The following C1QTNF2 variants were observed in gnomAD, a reference collection of about 807,000 sequenced individuals.
The protein encoded by C1QTNF2 is complement C1q tumor necrosis factor-related protein 2.
A neutral mutation model predicts 17.4 loss-of-function variants in C1QTNF2; 15 were observed. That is an observed-to-expected ratio of 0.86 (90% CI 0.58 to 1.33). The LOEUF is 1.33. Among genes scored for constraint, C1QTNF2 ranks in the 40% most tolerant of loss-of-function variants. The pLI, the probability that C1QTNF2 is intolerant of heterozygous loss-of-function variation, is 0.00. For missense variants in C1QTNF2, 381 were observed against 392.3 expected, an observed-to-expected ratio of 0.97 and a Z score of 0.24; for synonymous variants, 154 against 163.3, an observed-to-expected ratio of 0.94 and a Z score of 0.44.
intron 1 of C1QTNF2, among the ~76,000 whole-genome samples, chr5:160,356,346 G>A (rs923882350): frequency 6.6e-6 from 1 of 152,258 alleles, no homozygotes; most frequent in Non-Finnish European, 1.5e-5. Flanking sequence ...GGCTGGGCTA[G>A]AGCAGTGGTT....
intron 2 of C1QTNF2, among the ~76,000 whole-genome samples, chr5:160,353,788 CTTTTTTTTTTTTTTT>C (rs200777932): frequency 3.5e-4 from 30 of 85,976 alleles, no homozygotes; most frequent in Non-Finnish European, 5.3e-4. Flanking sequence ...ACTTCTCAGG[CTTTTTTTTTTTTTTT>C]TTTTTTTTTT....
chr5:160,356,050 G>C lies in C1QTNF2; in HGVS notation c.-9-1030C>G, dbSNP rs553846945. On this transcript the variant is annotated intron_variant, in intron 1 of 2. Transcript: ENST00000652664. ...GCAGCAATAGCACGATCCCACTGGA[G>C]ATCAGTGTGCTATGCACCTGGAGGT... Among the ~76,000 whole-genome samples the C allele has an allele frequency of 3.3e-5, 5 of 152,246 alleles. No homozygotes were observed. In the South Asian group the frequency reaches 1.0e-3, roughly 32 times the overall value.
At chr5:160,364,138 C>T (rs1000844184) in intron 1 of C1QTNF2, among the ~76,000 whole-genome samples, 1 of 152,214 alleles carries the variant, frequency 6.6e-6, no homozygotes, top group Non-Finnish European at 1.5e-5. Context: ...ATTAATGAGA[C>T]ATTTTACATT....
chr5:160,370,579 C>T lies in C1QTNF2; in HGVS notation c.-77G>A. ...AAGCTCTCGGCGGGGCTCCGCGTCC[C>T]GGCTTTCCTCAGCGGCAGCAGCCGG... On this transcript the variant is annotated 5_prime_UTR_variant, in exon 1 of 3. Coordinates refer to ENST00000652664, the MANE Select transcript of C1QTNF2 (RefSeq NM_031908.6). 7.6e-6 allele frequency: 11 copies of T among 1,452,114 alleles called. No homozygotes were observed. Among genetic ancestry groups the T allele is most frequent in the Admixed American group, 5.6e-5 (2 of 35,412 alleles). 90.0% of individuals were successfully genotyped at this position (1,452,114 alleles called of 1,614,324 possible).
intron 1 of C1QTNF2, 121 bp downstream of exon 1, chr5:160,370,391 G>T (rs1764331951): frequency 2.4e-6 from 3 of 1,271,018 alleles, no homozygotes; most frequent in Non-Finnish European, 2.0e-6. Context: ...CCGCAATAAA[G>T]GCGCGCTGGC....
chr5:160,363,734 A>G (rs6879104), intron 1 of C1QTNF2, among the ~76,000 whole-genome samples: 91,808 of 152,148 alleles, frequency 0.6, 27,924 homozygotes, highest in Middle Eastern at 0.65. Flanking sequence ...TCTGCACAAT[A>G]AGGGCAAGAG....
intron 1 of C1QTNF2, among the ~76,000 whole-genome samples, chr5:160,363,817 A>G (rs550953623): frequency 6.6e-6 from 1 of 152,328 alleles, no homozygotes; most frequent in East Asian, 1.9e-4. Context: ...TGCCACGTGG[A>G]GACCAAGGAC....
chr5:160,354,631 T>TATATATATATATATAGATAG (rs1314517787), intron 2 of C1QTNF2, 137 bp downstream of exon 2: 15 of 223,528 alleles, frequency 6.7e-5, no homozygotes, highest in African/African-American at 2.8e-4. Flanking sequence ...TATATATATA[T>TATATATATATATATAGATAG]ATAGATTTAT....
chr5:160,370,457 C>G, intron 1 of C1QTNF2, 55 bp downstream of exon 1: 1 of 1,382,052 alleles, frequency 7.2e-7, no homozygotes, highest in Non-Finnish European at 9.3e-7. Flanking sequence ...TCCTCCTCCT[C>G]CTCCTCCCCG....
At chr5:160,354,683 T>G (rs1764006461) in intron 2 of C1QTNF2, 85 bp downstream of exon 2, 4 of 1,408,418 alleles carry the variant, frequency 2.8e-6, no homozygotes, top group Non-Finnish European at 3.9e-6. Context: ...GGATTAATAC[T>G]AGTTTTATTA....
At position 160,348,256 on chromosome 5, in the gene C1QTNF2, C is replaced by G. The variant is rs1763839483; in HGVS notation, c.*912G>C. The stretch of plus-strand genomic sequence containing the variant: ...CAAAAGATTAACTAATAATAAAGCG[C>G]TCAAGTCTGTGGCCGACTTGACTCA... On this transcript the variant is annotated 3_prime_UTR_variant, in exon 3 of 3. Coordinates refer to ENST00000652664, the MANE Select transcript of C1QTNF2 (RefSeq NM_031908.6). 1 of 152,228 alleles carries G rather than the reference C, an allele frequency of 6.6e-6. No homozygotes were observed. Among genetic ancestry groups the G allele is most frequent in the Non-Finnish European group, 1.5e-5 (1 of 68,054 alleles). The allele number at this position is 152,228 out of a possible 1,614,324, so 9.4% of individuals were successfully genotyped here.
chr5:160,358,330 C>T (rs1233617025), intron 1 of C1QTNF2, among the ~76,000 whole-genome samples: 1 of 152,226 alleles, frequency 6.6e-6, no homozygotes, highest in East Asian at 1.9e-4. Flanking sequence ...AGCCCTGCTC[C>T]CAGCTTGTGC....
chr5:160,366,609 T>C (rs1309073492), intron 1 of C1QTNF2, among the ~76,000 whole-genome samples: 2 of 152,218 alleles, frequency 1.3e-5, no homozygotes, highest in African/African-American at 2.4e-5. Context: ...GCTGATGCAA[T>C]TGTATAGCTG....
rs779343736 is a variant in C1QTNF2 at position 160,349,690 on chromosome 5, C to T, written c.336G>A (p.Gly112=). ...CATGCTTCCCGGGGGTACCGTTGAC[C>T]CCCTTGGGGCCACGGGGGCCAGCCC... ...IGRAGPRGPK[G]VNGTPGKHGT... is the part of the protein sequence containing the mutation. The change falls in exon 3 of 3, where the codon GGG becomes GGA. Residue 112 remains glycine, a synonymous_variant. Transcript: ENST00000652664. This position sits in a 1 kb window ranked among gnomAD's most constrained non-coding sequence, Gnocchi z 4.3. The T allele has an allele frequency of 5.0e-6, 8 of 1,606,042 alleles. No individual in the cohort carries two copies. In the Admixed American group the frequency reaches 1.4e-4, roughly 28 times the overall value.
chr5:160,351,447 CTG>C (rs1763920809), intron 2 of C1QTNF2, among the ~76,000 whole-genome samples: 1 of 152,200 alleles, frequency 6.6e-6, no homozygotes, highest in Non-Finnish European at 1.5e-5. Flanking sequence ...AGGCATTTCA[CTG>C]TGTTTTAGAG....
intron 1 of C1QTNF2, among the ~76,000 whole-genome samples, chr5:160,366,557 T>C (rs967991242): frequency 6.6e-6 from 1 of 152,156 alleles, no homozygotes; most frequent in African/African-American, 2.4e-5. Flanking sequence ...AGCTGAACAT[T>C]TGCAAACTTT....
chr5:160,354,988 G>A lies in C1QTNF2; in HGVS notation c.24C>T (p.Ala8=), dbSNP rs1190379415. ...GGTCAGCAGCACAGGGGAGGGCACAGGCCAGGAGCACCCAGGGGATCATGG... is the reference window on the plus strand; with the variant it reads ...GGTCAGCAGCACAGGGGAGGGCACAAGCCAGGAGCACCCAGGGGATCATGG... MIPWVLL[A]CALPCAADPL... The change falls in exon 2 of 3, where the codon GCC becomes GCT. Residue 8 remains alanine (A), a synonymous_variant. Transcript: ENST00000652664. 1.9e-6 allele frequency: 3 copies of A among 1,584,554 alleles called. No individual in the cohort carries two copies. Among genetic ancestry groups the A allele is most frequent in the East Asian group, 4.5e-5 (2 of 44,028 alleles).
chr5:160,356,482 A>C (rs1764054186), intron 1 of C1QTNF2, among the ~76,000 whole-genome samples: 1 of 152,218 alleles, frequency 6.6e-6, no homozygotes, highest in Admixed American at 6.5e-5. Context: ...ATTTCTAATA[A>C]GTTTCCAAGG....
chr5:160,358,311 G>T (rs1006353209), intron 1 of C1QTNF2, among the ~76,000 whole-genome samples: 1 of 152,154 alleles, frequency 6.6e-6, no homozygotes, highest in Admixed American at 6.5e-5. Flanking sequence ...GAAAAACAAG[G>T]CTACAAATAG....
Sources: gnomAD v4.1 joint callset for allele counts (sites outside exome capture counted in the v4.1 genomes callset) on GRCh38, gnomAD v4.1.1 for gene constraint, Gnocchi (gnomAD v3.1) non-coding constraint, MANE v1.5 for transcripts, NCBI Gene and HGNC (gene_info 2026-07-23, HGNC 2026-07-21) for gene names.